SLC25A43: variants seen among roughly 807,000 people sequenced by gnomAD.
SLC25A43 encodes solute carrier family 25, member 43.
Under a neutral mutation model 22.8 loss-of-function variants are expected in SLC25A43, and 10 were observed. The ratio of observed to expected loss-of-function variants is 0.44; its 90% CI spans 0.27 to 0.74. The LOEUF (loss-of-function observed/expected upper bound fraction) is 0.74. SLC25A43 is among the 30% of genes least tolerant of loss of function. The probability of loss-of-function intolerance (pLI) is 0.17; values close to 1 mark genes in which losing one functional copy is unlikely to be tolerated. For missense variants in SLC25A43, 233 were observed against 279.1 expected (o/e 0.83, Z 1.18); for synonymous variants, 106 against 121.6 (o/e 0.87, Z 0.84).
intron 3 of SLC25A43, among the ~76,000 whole-genome samples, chrX:119,451,358 A>G (rs1381927750): frequency 1.8e-5 from 2 of 111,559 alleles, no homozygotes; most frequent in African/African-American, 6.5e-5. Context: ...TATAGATGCC[A>G]AAGTTACCTA....
chrX:119,410,975 A>G (rs781718967), intron 3 of SLC25A43, among the ~76,000 whole-genome samples: 18 of 111,031 alleles, frequency 1.6e-4, no homozygotes, highest in African/African-American at 5.9e-4. Context: ...TCCTGATTAT[A>G]TCACTTGTGG....
chrX:119,445,856 C>T (rs2052661557), intron 3 of SLC25A43, among the ~76,000 whole-genome samples: 1 of 110,807 alleles, frequency 9.0e-6, no homozygotes, highest in Admixed American at 9.7e-5. Flanking sequence ...AAAGAGCCAG[C>T]TTTCATTGTC....
At chrX:119,404,535 C>T (rs7060035) in intron 1 of SLC25A43, among the ~76,000 whole-genome samples, 6,277 of 111,717 alleles carry the variant, frequency 0.056, 171 homozygotes, top group South Asian at 0.11. Context: ...TCAGGAACCT[C>T]CACATGTTCA....
intron 1 of SLC25A43, among the ~76,000 whole-genome samples, chrX:119,405,686 C>T (rs1001874897): frequency 9.3e-6 from 1 of 107,349 alleles, no homozygotes; most frequent in East Asian, 2.9e-4. Context: ...GGGAGGATCT[C>T]TTGAGCCTGG....
At chrX:119,400,168 C>A (rs2052224655) in intron 1 of SLC25A43, among the ~76,000 whole-genome samples, 1 of 109,913 alleles carries the variant, frequency 9.1e-6, no homozygotes, top group Non-Finnish European at 1.9e-5. Flanking sequence ...TCCATCGATA[C>A]GAAAAGGCCG....
chrX:119,424,164 G>T (rs1243001382), intron 3 of SLC25A43, among the ~76,000 whole-genome samples: 2 of 105,146 alleles, frequency 1.9e-5, no homozygotes, highest in East Asian at 5.9e-4. Flanking sequence ...AGTGAGCGGA[G>T]ATCGCACTAC....
At chrX:119,404,463 G>A (rs1419589338) in intron 1 of SLC25A43, among the ~76,000 whole-genome samples, 2 of 112,182 alleles carry the variant, frequency 1.8e-5, no homozygotes, top group African/African-American at 6.5e-5. Flanking sequence ...GAAGAGATGG[G>A]CAGGGTGAGG....
Position 119,452,109 on chromosome X carries a change from G to A in SLC25A43, c.791G>A (p.Gly264Glu), listed in dbSNP as rs142128668. 45 of 1,202,162 alleles carry A rather than the reference G, an allele frequency of 3.7e-5. No individual in the cohort carries two copies. Among genetic ancestry groups the A allele is most frequent in the Admixed American group, 1.1e-4 (5 of 44,242 alleles). ...RQIVKAQGVL[G>E]LWNGLTANLL... ...ATAGTGAAGGCCCAGGGGGTCCTGG[G>A]GCTCTGGAATGGATTGACAGCCAAT... The change falls in exon 4 of 5, where the codon GGG becomes GAG. Residue 264 changes from glycine to glutamate, a missense_variant. Transcript: ENST00000217909.
intron 3 of SLC25A43, among the ~76,000 whole-genome samples, chrX:119,442,788 C>A (rs1478708700): frequency 8.9e-6 from 1 of 112,482 alleles, no homozygotes; most frequent in Non-Finnish European, 1.9e-5. Flanking sequence ...TTCTACATTA[C>A]ATTGTGTAAG....
At chrX:119,410,084 C>A in intron 2 of SLC25A43, 106 bp from the exon 3 acceptor site, 1 of 921,027 alleles carries the variant, frequency 1.1e-6, no homozygotes. Context: ...TTAGCAACCC[C>A]AGAGCCCCTC....
chrX:119,408,886 C>T (rs146533751), intron 2 of SLC25A43, among the ~76,000 whole-genome samples: 205 of 110,687 alleles, frequency 1.9e-3, no homozygotes, highest in African/African-American at 6.4e-3. Context: ...GTCAGGTGAC[C>T]TCCCTCACCA....
chrX:119,434,520 T>C (rs1205679805), intron 3 of SLC25A43: 1 of 106,458 alleles, frequency 9.4e-6, no homozygotes, highest in Non-Finnish European at 1.9e-5. Flanking sequence ...GGTGGGAGGG[T>C]CAGGCATGGT....
At chrX:119,441,375 TC>T (rs751832009) in intron 3 of SLC25A43, among the ~76,000 whole-genome samples, 212 of 93,723 alleles carry the variant, frequency 2.3e-3, no homozygotes, top group African/African-American at 8.1e-3. Context: ...TGTCTGGCAC[TC>T]CCTAGTGAGA....
rs111375488 is a variant in SLC25A43 at position 119,415,560 on chromosome X, T to A, written c.690+5198T>A. Among the ~76,000 whole-genome samples the A allele has an allele frequency of 8.4e-3, 908 of 107,793 alleles. 14 individuals carry two copies. Among genetic ancestry groups the A allele is most frequent in the African/African-American group, 0.028 (830 of 29,543 alleles). 93.6% of individuals were successfully genotyped at this position (107,793 alleles called of 115,157 possible). A position where few individuals can be genotyped will look rare whatever the true frequency, so the allele number is the denominator to read the frequency against. On this transcript the variant is annotated intron_variant, in intron 3 of 4. Transcript: ENST00000217909. Reference sequence around the variant, plus strand: ...AAATGCAAAAATTAGCCGGGTGTGGTGGTGCGTGCCTGTAGTCCCAGCTAC... The same window carrying A: ...AAATGCAAAAATTAGCCGGGTGTGGAGGTGCGTGCCTGTAGTCCCAGCTAC...
At chrX:119,409,538 G>A (rs1182032985) in intron 2 of SLC25A43, among the ~76,000 whole-genome samples, 1 of 103,050 alleles carries the variant, frequency 9.7e-6, no homozygotes, top group Non-Finnish European at 2.0e-5. Flanking sequence ...AATGATTTCA[G>A]TGTAACTTGC....
intron 3 of SLC25A43, chrX:119,426,397 A>ACGAATTTAGTCT: frequency 4.9e-6 from 1 of 205,125 alleles, no homozygotes. Flanking sequence ...CAAAGACTAA[A>ACGAATTTAGTCT]TTCGTTTAGT....
At chrX:119,452,192 A>G in intron 4 of SLC25A43, 49 bp downstream of exon 4, 1 of 1,147,378 alleles carries the variant, frequency 8.7e-7, no homozygotes, top group Non-Finnish European at 1.2e-6. Context: ...TTCCAATTCT[A>G]CCCTCTTCCT....
chrX:119,410,181 G>A lies in SLC25A43; in HGVS notation c.518-9G>A. The stretch of plus-strand genomic sequence containing the variant: ...ACAGCAGCAGCTTCTCCCTGGCCTT[G>A]TTTTGCAGGTGCTCTCCCGTTCTCT... On this transcript the variant is annotated splice_polypyrimidine_tract_variant and intron_variant, in intron 2 of 4. Coordinates refer to ENST00000217909, the MANE Select transcript of SLC25A43 (RefSeq NM_145305.3). The A allele has an allele frequency of 4.1e-6, 5 of 1,209,514 alleles. No individual in the cohort carries two copies. Among genetic ancestry groups the A allele is most frequent in the Non-Finnish European group, 5.6e-6 (5 of 894,426 alleles).
chrX:119,407,051 G>T (rs962707022), intron 2 of SLC25A43, among the ~76,000 whole-genome samples: 1 of 112,763 alleles, frequency 8.9e-6, no homozygotes, highest in Admixed American at 9.3e-5. Flanking sequence ...GTGTCTTCTG[G>T]GGTCTTTGTA....
Sources: gnomAD v4.1 joint callset for allele counts (sites outside exome capture counted in the v4.1 genomes callset) on GRCh38, gnomAD v4.1.1 for gene constraint, MANE v1.5 for transcripts, NCBI Gene and HGNC (gene_info 2026-07-23, HGNC 2026-07-21) for gene names.